Variants in NHSL1 observed in about 807,000 individuals in gnomAD.
NHSL1 encodes NHS-like protein 1.
NHSL1 carries 48 observed loss-of-function variants against 95.0 expected under a neutral mutation model. The ratio of observed to expected loss-of-function variants is 0.51; its 90% CI spans 0.40 to 0.64. The LOEUF is 0.64. Among genes scored for constraint, NHSL1 ranks in the 30% least tolerant of loss-of-function variants. NHSL1 has a pLI of 0.00. For synonymous variants in NHSL1, 783 were observed against 833.9 expected (o/e 0.94, Z 1.05); for missense variants, 1,971 against 2,077.7 (o/e 0.95, Z 1.00).
chr6:138,521,995 C>G lies in NHSL1; in HGVS notation c.16+23628G>C, dbSNP rs73557311. ...CAGCCAATGACTTCAGGAAATCCAA[C>G]AGAGGAAACTGTTTCAGCTCCCTAG... On this transcript the variant is annotated intron_variant, in intron 1 of 4. Coordinates refer to the NHSL1 transcript ENST00000342260. 4.6e-3 allele frequency among the ~76,000 whole-genome samples: 696 copies of G among 152,262 alleles called. 5 individuals carry two copies. The highest frequency in any genetic ancestry group is 0.016 in the African/African-American group (653 of 41,546).
chr6:138,599,759 A>G (rs1323469229), intron 1 of NHSL1, among the ~76,000 whole-genome samples: 2 of 152,212 alleles, frequency 1.3e-5, no homozygotes, highest in African/African-American at 4.8e-5. Flanking sequence ...AGAAGGCATC[A>G]GAAAGTAACT....
chr6:138,690,364 T>A (rs1785647962), intron 1 of NHSL1, among the ~76,000 whole-genome samples: 1 of 152,276 alleles, frequency 6.6e-6, no homozygotes, highest in Non-Finnish European at 1.5e-5. Flanking sequence ...AATGTCTTGA[T>A]AGTCAGCTTT....
At chr6:138,521,593 GT>G (rs1349487728) in intron 1 of NHSL1, among the ~76,000 whole-genome samples, 2 of 152,140 alleles carry the variant, frequency 1.3e-5, no homozygotes, top group African/African-American at 4.8e-5. Flanking sequence ...GGAAGAGTTG[GT>G]CTCTGTCACA....
At chr6:138,574,413 T>C (rs1215686787), upstream of NHSL1, among the ~76,000 whole-genome samples, 2 of 152,092 alleles carry the variant, frequency 1.3e-5, no homozygotes, top group Non-Finnish European at 2.9e-5. Context: ...TGTTTGCCAT[T>C]TCACTGGTTC....
At chr6:138,532,782 AT>A (rs1161953734) in intron 1 of NHSL1, among the ~76,000 whole-genome samples, 1 of 152,140 alleles carries the variant, frequency 6.6e-6, no homozygotes, top group African/African-American at 2.4e-5. Context: ...ACATGCAGAA[AT>A]TTTACTCACG....
At chr6:138,438,631 C>T (rs1470283079) in intron 5 of NHSL1, among the ~76,000 whole-genome samples, 2 of 152,008 alleles carry the variant, frequency 1.3e-5, no homozygotes, top group Non-Finnish European at 2.9e-5. Flanking sequence ...ACATAATGTA[C>T]AGAAATAATT....
intron 1 of NHSL1, among the ~76,000 whole-genome samples, chr6:138,636,393 A>C (rs1784889285): frequency 6.6e-6 from 1 of 152,202 alleles, no homozygotes; most frequent in South Asian, 2.1e-4. Flanking sequence ...GTTGTTCAAC[A>C]TAGTACTGGA....
chr6:138,453,077 C>A (rs1777346164), intron 3 of NHSL1, among the ~76,000 whole-genome samples: 1 of 152,100 alleles, frequency 6.6e-6, no homozygotes, highest in Non-Finnish European at 1.5e-5. Flanking sequence ...CAGGTTCAAG[C>A]AATTCTCCTG....
At chr6:138,687,393 C>T (rs1255234339) in intron 1 of NHSL1, among the ~76,000 whole-genome samples, 1 of 152,132 alleles carries the variant, frequency 6.6e-6, no homozygotes, top group Admixed American at 6.5e-5. Flanking sequence ...TCAGGACCAG[C>T]CAACCCTCTG....
intron 1 of NHSL1, among the ~76,000 whole-genome samples, chr6:138,628,445 AT>A (rs1314942488): frequency 1.3e-5 from 2 of 152,160 alleles, no homozygotes; most frequent in Non-Finnish European, 2.9e-5. Flanking sequence ...CGGCAAGGCA[AT>A]TTTGAGTTAC....
chr6:138,689,219 G>A (rs1785627130), intron 1 of NHSL1, among the ~76,000 whole-genome samples: 2 of 152,134 alleles, frequency 1.3e-5, no homozygotes, highest in Admixed American at 6.6e-5. Flanking sequence ...CAAAGACTCG[G>A]CCATCCTGGA....
intron 1 of NHSL1, among the ~76,000 whole-genome samples, chr6:138,667,799 A>G (rs1785314056): frequency 6.6e-6 from 1 of 152,230 alleles, no homozygotes; most frequent in Non-Finnish European, 1.5e-5. Flanking sequence ...AGACAGGAGA[A>G]TATCAAGTGA....
chr6:138,653,392 A>G (rs1785116654), intron 1 of NHSL1, among the ~76,000 whole-genome samples: 2 of 152,104 alleles, frequency 1.3e-5, no homozygotes, highest in Non-Finnish European at 2.9e-5. Context: ...CGTCTCTACT[A>G]AAAATACAAA....
intron 1 of NHSL1, among the ~76,000 whole-genome samples, chr6:138,684,061 A>G (rs1248212693): frequency 1.3e-5 from 2 of 151,074 alleles, no homozygotes; most frequent in Non-Finnish European, 3.0e-5. Flanking sequence ...AAATACAAAA[A>G]ATCAGCTGGG....
At chr6:138,489,311 A>C (rs1779893893) in intron 2 of NHSL1, among the ~76,000 whole-genome samples, 1 of 152,230 alleles carries the variant, frequency 6.6e-6, no homozygotes, top group African/African-American at 2.4e-5. Context: ...ATTCCCATGT[A>C]AACAGATATT....
intron 5 of NHSL1, among the ~76,000 whole-genome samples, chr6:138,437,399 TATATAC>T (rs1256884174): frequency 9.3e-6 from 1 of 107,160 alleles, no homozygotes; most frequent in Non-Finnish European, 1.7e-5. Flanking sequence ...CATATATATA[TATATAC>T]ACACATATAC....
At chr6:138,561,923 A>G (rs767567679) in intron 1 of NHSL1, among the ~76,000 whole-genome samples, 2 of 152,220 alleles carry the variant, frequency 1.3e-5, no homozygotes, top group African/African-American at 2.4e-5. Context: ...AGCAAAAACT[A>G]AGTAAATAAA....
chr6:138,638,272 A>G (rs997866499), intron 1 of NHSL1, among the ~76,000 whole-genome samples: 1 of 152,218 alleles, frequency 6.6e-6, no homozygotes, highest in Non-Finnish European at 1.5e-5. Context: ...AGAATAAGAC[A>G]TAGTATTTGA....
chr6:138,442,641 T>C (rs1776604975), intron 4 of NHSL1, among the ~76,000 whole-genome samples: 2 of 152,230 alleles, frequency 1.3e-5, no homozygotes, highest in South Asian at 4.1e-4. Context: ...GTGGTAATTG[T>C]TGTGGTGTGA....
Sources: gnomAD v4.1 joint callset for allele counts (sites outside exome capture counted in the v4.1 genomes callset) on GRCh38, gnomAD v4.1.1 for gene constraint, MANE v1.5 for transcripts, NCBI Gene and HGNC (gene_info 2026-07-23, HGNC 2026-07-21) for gene names.